SLC35F4: variants seen among roughly 807,000 people sequenced by gnomAD.
The protein encoded by SLC35F4 is solute carrier family 35 member F4, also known as chromosome 14 open reading frame 36.
Under a neutral mutation model 44.2 loss-of-function variants are expected in SLC35F4, and 24 were observed. That is an observed-to-expected ratio of 0.54 (90% CI 0.39 to 0.76). SLC35F4 has a LOEUF of 0.76. Among genes scored for constraint, SLC35F4 ranks in the 30% least tolerant of loss-of-function variants. The probability of loss-of-function intolerance (pLI) is 0.00; values close to 1 mark genes in which losing one functional copy is unlikely to be tolerated. For synonymous variants in SLC35F4, 238 were observed against 223.6 expected, an observed-to-expected ratio of 1.06 and a Z score of -0.57; for missense variants, 562 against 586.1, an observed-to-expected ratio of 0.96 and a Z score of 0.42.
chr14:57,762,230 T>G (rs2077140560), intron 1 of SLC35F4, among the ~76,000 whole-genome samples: 1 of 152,146 alleles, frequency 6.6e-6, no homozygotes, highest in Admixed American at 6.6e-5. Context: ...AGTGATAGAT[T>G]CCCTGACTAA....
intron 6 of SLC35F4, 102 bp from the exon 7 acceptor site, chr14:57,566,666 T>A: frequency 8.9e-7 from 1 of 1,124,562 alleles, no homozygotes; most frequent in Non-Finnish European, 1.3e-6. Context: ...ATGTGCCTTT[T>A]AAACTGTCTA....
intron 1 of SLC35F4, among the ~76,000 whole-genome samples, chr14:57,722,047 C>G (rs1268741355): frequency 6.6e-6 from 1 of 152,136 alleles, no homozygotes; most frequent in Non-Finnish European, 1.5e-5. Flanking sequence ...AGGAGGTACA[C>G]TACACTCAAA....
chr14:57,908,260 C>T (rs1423104668), intron 1 of SLC35F4, among the ~76,000 whole-genome samples: 1 of 152,166 alleles, frequency 6.6e-6, no homozygotes, highest in Non-Finnish European at 1.5e-5. Flanking sequence ...CATATGTGTG[C>T]ATGTGTCTTT....
intron 1 of SLC35F4, among the ~76,000 whole-genome samples, chr14:57,966,734 G>A (rs1890445625): frequency 6.6e-6 from 1 of 152,164 alleles, no homozygotes; most frequent in African/African-American, 2.4e-5. Flanking sequence ...CATAGGCTAG[G>A]TGCAGTGGTA....
At chr14:57,849,171 T>C (rs1164560043) in intron 1 of SLC35F4, among the ~76,000 whole-genome samples, 1 of 152,184 alleles carries the variant, frequency 6.6e-6, no homozygotes, top group South Asian at 2.1e-4. Context: ...TATCCAAGAA[T>C]ACTGACTAAC....
intron 1 of SLC35F4, among the ~76,000 whole-genome samples, chr14:57,878,987 A>G (rs765190735): frequency 9.9e-5 from 15 of 152,140 alleles, no homozygotes; most frequent in Non-Finnish European, 1.9e-4. Context: ...TTGGGCCCAT[A>G]TTGAAGGACA....
chr14:57,586,087 G>C (rs1443482860), intron 3 of SLC35F4, among the ~76,000 whole-genome samples: 1 of 152,128 alleles, frequency 6.6e-6, no homozygotes, highest in Non-Finnish European at 1.5e-5. Context: ...ATACTACAAG[G>C]CTACAGTAAC....
chr14:57,805,907 A>T (rs1251672823), intron 1 of SLC35F4, among the ~76,000 whole-genome samples: 4 of 152,198 alleles, frequency 2.6e-5, no homozygotes, highest in Non-Finnish European at 5.9e-5. Context: ...TAAAAAGAAA[A>T]GGCACTAGAA....
At chr14:57,717,961 C>A (rs1759823445) in intron 1 of SLC35F4, among the ~76,000 whole-genome samples, 1 of 152,128 alleles carries the variant, frequency 6.6e-6, no homozygotes, top group African/African-American at 2.4e-5. Context: ...CACTCTTATT[C>A]ACTCTTGTAA....
intron 1 of SLC35F4, chr14:57,596,712 G>A (rs1271057718): frequency 5.1e-6 from 6 of 1,173,852 alleles, no homozygotes; most frequent in African/African-American, 1.6e-5. Flanking sequence ...CTTGTGTGTA[G>A]CGAGCAAGTG....
At chr14:57,768,848 G>C (rs976507469) in intron 1 of SLC35F4, among the ~76,000 whole-genome samples, 1 of 152,114 alleles carries the variant, frequency 6.6e-6, no homozygotes, top group African/African-American at 2.4e-5. Flanking sequence ...TGCCTCCCAG[G>C]TTCAAGCAAT....
chr14:57,672,871 G>C (rs1458126331), intron 1 of SLC35F4, among the ~76,000 whole-genome samples: 1 of 151,876 alleles, frequency 6.6e-6, no homozygotes, highest in Non-Finnish European at 1.5e-5. Context: ...ATGTGAAACA[G>C]AGTAGGTTTT....
chr14:57,645,343 T>C (rs1044415666), intron 1 of SLC35F4, among the ~76,000 whole-genome samples: 6 of 152,200 alleles, frequency 3.9e-5, no homozygotes, highest in African/African-American at 1.4e-4. Flanking sequence ...ACACATCCCT[T>C]GTAAGGTGGA....
At position 57,651,916 on chromosome 14, in the gene SLC35F4, G is replaced by A. The variant is rs114754143; in HGVS notation, c.104-57792C>T. ...CAGGACTGCTCAATATGACTCCACA[G>A]CAGCAACAGCCAGAGGGCAGGGAAG... On this transcript the variant is annotated intron_variant, in intron 1 of 7. Transcript: ENST00000556826. Among the ~76,000 whole-genome samples, 1,074 of 152,316 alleles carry A rather than the reference G, an allele frequency of 7.1e-3. 13 individuals carry two copies. Among genetic ancestry groups the A allele is most frequent in the African/African-American group, 0.024 (996 of 41,568 alleles).
intron 1 of SLC35F4, among the ~76,000 whole-genome samples, chr14:57,655,334 C>G (rs979911531): frequency 3.3e-5 from 5 of 152,034 alleles, no homozygotes; most frequent in African/African-American, 1.2e-4. Context: ...CTGGGGAGAA[C>G]AAGATAGTGT....
At chr14:57,807,429 A>G (rs1479352388) in intron 1 of SLC35F4, among the ~76,000 whole-genome samples, 1 of 151,962 alleles carries the variant, frequency 6.6e-6, no homozygotes, top group African/African-American at 2.4e-5. Flanking sequence ...AGCAGGAAAC[A>G]GGCAATTTTT....
chr14:57,569,918 G>A lies in SLC35F4; in HGVS notation c.996C>T (p.Thr332=), dbSNP rs1302236815. The A allele has an allele frequency of 1.9e-6, 3 of 1,612,854 alleles. No homozygotes were observed. In the African/African-American group the frequency reaches 4.0e-5, roughly 22 times the overall value. The change falls in exon 6 of 8, where the codon ACC becomes ACT. Residue 332 remains threonine, a synonymous_variant. Transcript: ENST00000556826. ...NFGEAAHFVS[T]LGFFNLIFIS... ...TGAAGATCAAATTGAAGAAACCCAA[G>A]GTGGAGACAAAGTGTGCAGCTTCCC...
At chr14:57,678,789 G>C (rs947881381) in intron 1 of SLC35F4, among the ~76,000 whole-genome samples, 1 of 151,902 alleles carries the variant, frequency 6.6e-6, no homozygotes, top group African/African-American at 2.4e-5. Flanking sequence ...AGGGCATTAC[G>C]TAATGGTAAA....
At position 57,564,102 on chromosome 14, in the gene SLC35F4, A is replaced by G; in HGVS notation, c.*33T>C. On this transcript the variant is annotated 3_prime_UTR_variant, in exon 8 of 8. Coordinates refer to ENST00000556826, the MANE Select transcript of SLC35F4 (RefSeq NM_001306087.2). ...GAAAATTTTGTTATATTCACAGAATATACATACACGTGCATTCAAAATATG... is the reference window on the plus strand; with the variant it reads ...GAAAATTTTGTTATATTCACAGAATGTACATACACGTGCATTCAAAATATG... The G allele has an allele frequency of 6.2e-7, 1 of 1,610,822 alleles. No individual in the cohort carries two copies. Among genetic ancestry groups the G allele is most frequent in the East Asian group, 2.2e-5 (1 of 44,774 alleles).
Sources: allele counts gnomAD v4.1 joint callset (sites outside exome capture counted in the v4.1 genomes callset), GRCh38; gene constraint gnomAD v4.1.1; transcripts MANE v1.5; gene names NCBI Gene and HGNC (gene_info 2026-07-23, HGNC 2026-07-21).